NELL2: variants seen among roughly 807,000 people sequenced by gnomAD.
NELL2 encodes the protein neural EGFL like 2, also known as protein kinase C-binding protein NELL2.
NELL2 carries 41 observed loss-of-function variants against 109.6 expected under a neutral mutation model. That is an observed-to-expected ratio of 0.37 (90% CI 0.29 to 0.49). NELL2 has a LOEUF of 0.49. Ranked by LOEUF, NELL2 falls within the 20% of genes least tolerant of loss-of-function variation. The probability of loss-of-function intolerance (pLI) is 0.98; values close to 1 mark genes in which losing one functional copy is unlikely to be tolerated. For synonymous variants in NELL2, 355 were observed against 344.7 expected (o/e 1.03, Z -0.33); for missense variants, 900 against 1,008.3 (o/e 0.89, Z 1.45).
At position 44,648,741 on chromosome 12, in the gene NELL2, T is replaced by A. The variant is rs1282384313; in HGVS notation, c.1444+16743A>T. Among the ~76,000 whole-genome samples the A allele has an allele frequency of 2.3e-4, 32 of 137,762 alleles. 1 individual carries two copies. Among genetic ancestry groups the A allele is most frequent in the African/African-American group, 7.7e-4 (28 of 36,308 alleles). The allele number at this position is 137,762 out of a possible 152,430, so 90.4% of individuals were successfully genotyped here. ...TATATATATATATATATTTTTTTTTTTTTTTTTTTTTTGAGACAGAGTCTT... is the reference window on the plus strand; with the variant it reads ...TATATATATATATATATTTTTTTTTATTTTTTTTTTTTGAGACAGAGTCTT... On this transcript the variant is annotated intron_variant, in intron 13 of 19. Transcript: ENST00000429094.
At chr12:44,643,289 T>C (rs1266926105) in intron 13 of NELL2, among the ~76,000 whole-genome samples, 1 of 152,160 alleles carries the variant, frequency 6.6e-6, no homozygotes, top group Non-Finnish European at 1.5e-5. Flanking sequence ...AAAATTATAG[T>C]TTATTTTATA....
chr12:44,661,182 T>G (rs1244909165), intron 13 of NELL2, among the ~76,000 whole-genome samples: 1 of 152,150 alleles, frequency 6.6e-6, no homozygotes, highest in South Asian at 2.1e-4. Flanking sequence ...TTCCCAAGCG[T>G]AAGGAGGGCA....
chr12:44,787,145 A>C (rs1942208994), intron 3 of NELL2, among the ~76,000 whole-genome samples: 1 of 152,202 alleles, frequency 6.6e-6, no homozygotes, highest in Non-Finnish European at 1.5e-5. Context: ...ATACATGGAT[A>C]CCAAAATTAA....
At chr12:44,708,402 T>A (rs1396666224) in intron 11 of NELL2, among the ~76,000 whole-genome samples, 1 of 152,178 alleles carries the variant, frequency 6.6e-6, no homozygotes, top group Non-Finnish European at 1.5e-5. Flanking sequence ...CTTCATCTCA[T>A]GCTCTGCTCT....
intron 13 of NELL2, among the ~76,000 whole-genome samples, chr12:44,639,486 C>T (rs1180464779): frequency 6.6e-6 from 1 of 152,148 alleles, no homozygotes; most frequent in Non-Finnish European, 1.5e-5. Flanking sequence ...CCTTCATTGT[C>T]AATTCCTTTT....
At chr12:44,650,855 T>G (rs2136316166) in intron 13 of NELL2, among the ~76,000 whole-genome samples, 1 of 152,294 alleles carries the variant, frequency 6.6e-6, no homozygotes, top group South Asian at 2.1e-4. Flanking sequence ...AAGGGAGCCC[T>G]CACGAGAAAT....
rs534071021 is a variant in NELL2, at chr12:44,777,294, T to G, written c.627A>C (p.Gln209His). The G allele has an allele frequency of 5.6e-6, 9 of 1,613,684 alleles. No individual in the cohort carries two copies. The highest frequency in any genetic ancestry group is 7.6e-6 in the Non-Finnish European group (9 of 1,179,654). The change falls in exon 6 of 20, where the codon CAA becomes CAC. Residue 209 changes from glutamine (Q) to histidine (H), a missense_variant. This residue lies in a region of NELL2 where 75 missense variants were observed against 118.9 expected (regional missense o/e 0.63). Coordinates refer to ENST00000429094, the MANE Select transcript of NELL2 (RefSeq NM_001145108.2). ...TAAATCCCTGGGGCATGACAAGTAA[T>G]TGGACATCTTGCATTATACCCTGTG... ...GYFKGIMQDVQLLVMPQGFIA... is the reference protein window; with the variant it reads ...GYFKGIMQDVHLLVMPQGFIA...
At position 44,686,760 on chromosome 12, in the gene NELL2, C is replaced by T. The variant is rs1013071337; in HGVS notation, c.1318+16966G>A. Among the ~76,000 whole-genome samples, 9 of 152,288 alleles carry T rather than the reference C, an allele frequency of 5.9e-5. No individual in the cohort carries two copies. The East Asian group carries it at 7.7e-4, about 13-fold the overall frequency. ...GGGGTCAGGGACCCACTTGAGGAGG[C>T]AGTCTGTCCGTTCTCAGATCTCCAG... On this transcript the variant is annotated intron_variant, in intron 12 of 19. Transcript: ENST00000429094.
chr12:44,816,129 G>A lies in NELL2; in HGVS notation c.192C>T (p.Pro64=). Residue 64 remains proline, a synonymous_variant, in exon 3 of 20, where the codon CCC becomes CCT. Transcript: ENST00000429094. ...GTKAFLFQDT[P]RSIKASTATA... ...TAGCAGTGGATGCTTTTATGCTTCTGGGAGTATCTAAAAAAGAAACAAACA... is the reference window on the plus strand; with the variant it reads ...TAGCAGTGGATGCTTTTATGCTTCTAGGAGTATCTAAAAAAGAAACAAACA... 2 of 1,590,066 alleles carry A rather than the reference G, an allele frequency of 1.3e-6. No homozygotes were observed. The highest frequency in any genetic ancestry group is 3.4e-4 in the Middle Eastern group (2 of 5,938).
intron 13 of NELL2, among the ~76,000 whole-genome samples, chr12:44,635,050 T>G (rs35018724): frequency 0.031 from 4,718 of 152,346 alleles, 103 homozygotes; most frequent in Middle Eastern, 0.058. Context: ...ATGAGTTTTT[T>G]TTCATGTTTG....
chr12:44,660,195 G>T (rs1947687208), intron 13 of NELL2, among the ~76,000 whole-genome samples: 1 of 152,146 alleles, frequency 6.6e-6, no homozygotes, highest in African/African-American at 2.4e-5. Context: ...GAAATTCAAA[G>T]GGGAACAGGG....
rs1228225210 is a variant in NELL2 at position 44,687,864 on chromosome 12, T to C, written c.1318+15862A>G. Among the ~76,000 whole-genome samples the C allele has an allele frequency of 2.6e-5, 4 of 152,336 alleles. No homozygotes were observed. The East Asian group carries it at 7.7e-4, about 29-fold the overall frequency. ...TTATATGTTACTTCAAATGGATTCCTTTCCAGGGAGGCAATTTATTATTTT... is the reference window on the plus strand; with the variant it reads ...TTATATGTTACTTCAAATGGATTCCCTTCCAGGGAGGCAATTTATTATTTT... On this transcript the variant is annotated intron_variant, in intron 12 of 19. Transcript: ENST00000429094.
chr12:44,717,151 G>T (rs1938532238), intron 9 of NELL2, among the ~76,000 whole-genome samples: 1 of 152,032 alleles, frequency 6.6e-6, no homozygotes, highest in African/African-American at 2.4e-5. Flanking sequence ...TGTTGACATG[G>T]AATATTCAGT....
chr12:44,674,457 T>C (rs1267455069), intron 12 of NELL2, among the ~76,000 whole-genome samples: 1 of 152,122 alleles, frequency 6.6e-6, no homozygotes, highest in African/African-American at 2.4e-5. Context: ...CCCCTTCACT[T>C]ATAATGTAAG....
At chr12:44,655,421 A>G (rs1392185548) in intron 13 of NELL2, among the ~76,000 whole-genome samples, 3 of 152,084 alleles carry the variant, frequency 2.0e-5, no homozygotes, top group Non-Finnish European at 4.4e-5. Context: ...GAGAGCACAG[A>G]CTCCTTTCCA....
At chr12:44,899,145 A>C (rs1202120723) in intron 1 of NELL2, among the ~76,000 whole-genome samples, 3 of 152,206 alleles carry the variant, frequency 2.0e-5, no homozygotes, top group Non-Finnish European at 1.5e-5. Flanking sequence ...TGACTGGTGT[A>C]CTTGAAAGTG....
chr12:44,836,282 C>T (rs996524902), intron 2 of NELL2, among the ~76,000 whole-genome samples: 21 of 152,152 alleles, frequency 1.4e-4, no homozygotes, highest in African/African-American at 4.3e-4. Context: ...CCACACTAGG[C>T]GGGTGAGATC....
intron 15 of NELL2, among the ~76,000 whole-genome samples, chr12:44,564,518 C>T (rs769891120): frequency 6.6e-6 from 1 of 152,176 alleles, no homozygotes; most frequent in Non-Finnish European, 1.5e-5. Flanking sequence ...ATATTTGCAG[C>T]ATGCTAGGCA....
At chr12:44,630,415 A>G (rs866051878) in intron 13 of NELL2, among the ~76,000 whole-genome samples, 97 of 152,318 alleles carry the variant, frequency 6.4e-4, no homozygotes, top group Middle Eastern at 6.8e-3. Flanking sequence ...TAAATTCTTA[A>G]ATGTTAAAAT....
Sources: gnomAD v4.1 joint callset for allele counts (sites outside exome capture counted in the v4.1 genomes callset) on GRCh38, gnomAD v4.1.1 for gene constraint, gnomAD v4.1.1 regional missense constraint, MANE v1.5 for transcripts, NCBI Gene and HGNC (gene_info 2026-07-23, HGNC 2026-07-21) for gene names.